CDK5RAP3: variants seen among roughly 807,000 people sequenced by gnomAD.
CDK5RAP3 encodes CDK5 regulatory subunit associated protein 3.
A neutral mutation model predicts 73.3 loss-of-function variants in CDK5RAP3; 58 were observed. The observed-to-expected ratio is 0.79, with a 90% CI of 0.64 to 0.98. The LOEUF is 0.98. Among genes scored for constraint, CDK5RAP3 ranks in the 50% least tolerant of loss-of-function variants. CDK5RAP3 has a pLI of 0.00. For missense variants in CDK5RAP3, 525 were observed against 615.8 expected (o/e 0.85, Z 1.56); for synonymous variants, 224 against 247.5 (o/e 0.91, Z 0.89).
At chr17:47,979,696 A>C (rs569655414) in intron 11 of CDK5RAP3, 4 of 152,520 alleles carry the variant, frequency 2.6e-5, no homozygotes, top group African/African-American at 9.6e-5. Context: ...CTTTGTTGTA[A>C]GGCTGGGAGG....
chr17:47,978,054 G>GC (rs922535607), intron 10 of CDK5RAP3, 144 bp downstream of exon 10: 1 of 507,576 alleles, frequency 2.0e-6, no homozygotes, highest in Non-Finnish European at 3.4e-6. Flanking sequence ...TGTGAGCTGA[G>GC]GGGGACCAAG....
chr17:47,968,039 C>A (rs1441976860), upstream of CDK5RAP3: 3 of 152,234 alleles, frequency 2.0e-5, no homozygotes, highest in Non-Finnish European at 4.4e-5. Flanking sequence ...TTCTGCCCAG[C>A]CTGTTGGTTC....
rs1052086075 is a variant in CDK5RAP3, at chr17:47,981,034, G to A, written c.1284-129G>A. 3.8e-6 allele frequency: 4 copies of A among 1,061,914 alleles called. No homozygotes were observed. The Admixed American group carries it at 7.1e-5, about 19-fold the overall frequency. The allele number at this position is 1,061,914 out of a possible 1,614,324, so 65.8% of individuals were successfully genotyped here. A position where few individuals can be genotyped will look rare whatever the true frequency, so the allele number is the denominator to read the frequency against. On this transcript the variant is annotated intron_variant, in intron 12 of 13. Coordinates refer to ENST00000338399, the MANE Select transcript of CDK5RAP3 (RefSeq NM_176096.3). ...GAGTGGGTTTTCCTTAAAAGGAAAG[G>A]GTTTAAGGATGTGAGGGTAAGCGGC...
At chr17:47,978,378 G>T (rs2036469376) in intron 10 of CDK5RAP3, among the ~76,000 whole-genome samples, 1 of 151,934 alleles carries the variant, frequency 6.6e-6, no homozygotes. Context: ...CCCAAGAGAG[G>T]TTCTTAAAAG....
chr17:47,977,394 C>T (rs900002995), intron 9 of CDK5RAP3, among the ~76,000 whole-genome samples: 6 of 151,918 alleles, frequency 3.9e-5, no homozygotes, highest in East Asian at 1.9e-4. Context: ...GTGATCCGCC[C>T]GCCTCAGCCT....
In CDK5RAP3 at chr17:47,973,597, C is replaced by T; in HGVS notation, c.131C>T (p.Ala44Val). 6.2e-7 allele frequency: 1 copy of T among 1,614,150 alleles called. No homozygotes were observed. The highest frequency in any genetic ancestry group is 8.5e-7 in the Non-Finnish European group (1 of 1,180,018). ...VLTIREKINA[A>V]IQDMPESEEI... ...ACGATCCGCGAGAAGATCAATGCTG[C>T]CATCCAGGACATGCCAGAGAGCGAA... The change falls in exon 3 of 14, where the codon GCC becomes GTC. Residue 44 changes from alanine to valine, a missense_variant. Ala to Val is a moderately conservative substitution (Grantham distance 64). Transcript: ENST00000338399.
At chr17:47,976,415 A>G in intron 8 of CDK5RAP3, 1 of 386,158 alleles carries the variant, frequency 2.6e-6, no homozygotes, top group South Asian at 2.5e-5. Flanking sequence ...GCTGGAGTGC[A>G]GTGGCATGAT....
chr17:47,970,963 G>C, upstream of CDK5RAP3: 1 of 1,459,146 alleles, frequency 6.9e-7, no homozygotes. Flanking sequence ...GCCATTCGGA[G>C]CCTGGGGTGG....
chr17:47,969,953 C>A (rs1424827907), upstream of CDK5RAP3, among the ~76,000 whole-genome samples: 2 of 152,236 alleles, frequency 1.3e-5, no homozygotes, highest in Non-Finnish European at 2.9e-5. Context: ...CTCTCCTCCA[C>A]CCAAACAGCC....
intron 10 of CDK5RAP3, 143 bp downstream of exon 10, chr17:47,978,053 A>AG (rs149811876): frequency 0.096 from 46,206 of 480,588 alleles, 2,746 homozygotes; most frequent in Admixed American, 0.14. Context: ...ATGTGAGCTG[A>AG]GGGGGACCAA....
upstream of CDK5RAP3, among the ~76,000 whole-genome samples, chr17:47,968,679 A>G (rs1008854147): frequency 1.3e-5 from 2 of 152,046 alleles, no homozygotes; most frequent in Admixed American, 6.6e-5. Context: ...CACCACGCCC[A>G]GCTAATTTTT....
chr17:47,972,476 C>T (rs575778642), intron 2 of CDK5RAP3, among the ~76,000 whole-genome samples: 9 of 152,210 alleles, frequency 5.9e-5, no homozygotes, highest in Admixed American at 5.2e-4. Context: ...AGCGTTTGAC[C>T]GGTTGGCAGA....
chr17:47,981,137 A>G (rs910631378), intron 12 of CDK5RAP3, 26 bp from the exon 13 acceptor site: 3 of 1,601,926 alleles, frequency 1.9e-6, no homozygotes, highest in East Asian at 2.2e-5. Context: ...CAGCTAACCC[A>G]GCACTCACCT....
Position 47,971,147 on chromosome 17 carries a change from ATGGAGGTG to A in CDK5RAP3, c.5_6+6del. The A allele has an allele frequency of 6.5e-7, 1 of 1,550,092 alleles. No individual in the cohort carries two copies. The highest frequency in any genetic ancestry group is 8.7e-7 in the Non-Finnish European group (1 of 1,146,128). ...AGCCTGAAGCGGAAGTGGAGGAAAG[ATGGAGGTG>A]TGGGGACAGGAGCTGGGTGTGCTGG... is the stretch of plus-strand genomic sequence containing the variant. On this transcript the variant is annotated splice_donor_variant and splice_donor_region_variant and coding_sequence_variant and intron_variant, in exon 1 of 14. Coordinates refer to ENST00000338399, the MANE Select transcript of CDK5RAP3 (RefSeq NM_176096.3). LOFTEE classifies it high-confidence loss of function.
At chr17:47,970,792 G>A, upstream of CDK5RAP3, 2 of 1,460,728 alleles carry the variant, frequency 1.4e-6, no homozygotes, top group South Asian at 1.2e-5. Flanking sequence ...GCGTGGAGAA[G>A]ACCCAGTGCC....
upstream of CDK5RAP3, chr17:47,970,667 GC>G (rs1281443570): frequency 6.5e-7 from 1 of 1,535,714 alleles, no homozygotes; most frequent in African/African-American, 1.4e-5. Context: ...CATGACAAGT[GC>G]CACAAGAGAC....
rs1227725435 is a variant in CDK5RAP3 at position 47,971,411 on chromosome 17, G to A, written c.52+4G>A. On this transcript the variant is annotated splice_donor_region_variant and intron_variant, in intron 2 of 13. Transcript: ENST00000338399. ...ATCCAGACCAGCAAGCTGCTCGGTA[G>A]GAGGGGGCGCCACCGCGCAGCTGGC... is the stretch of plus-strand genomic sequence containing the variant. 6.2e-7 allele frequency: 1 copy of A among 1,602,096 alleles called. No homozygotes were observed. The highest frequency in any genetic ancestry group is 8.5e-7 in the Non-Finnish European group (1 of 1,173,992).
chr17:47,975,039 C>A, intron 5 of CDK5RAP3, 120 bp from the exon 6 acceptor site: 1 of 1,603,796 alleles, frequency 6.2e-7, no homozygotes. Context: ...CAGCTGGGAA[C>A]AAGTGGGGCT....
At chr17:47,976,219 C>T (rs1025532500) in intron 8 of CDK5RAP3, among the ~76,000 whole-genome samples, 8 of 152,094 alleles carry the variant, frequency 5.3e-5, no homozygotes, top group African/African-American at 1.9e-4. Flanking sequence ...CAAGGTGGTT[C>T]GCTTTGAACT....
Sources: allele counts gnomAD v4.1 joint callset (sites outside exome capture counted in the v4.1 genomes callset), GRCh38; gene constraint gnomAD v4.1.1; transcripts MANE v1.5; gene names NCBI Gene and HGNC (gene_info 2026-07-23, HGNC 2026-07-21).